ARMC8: variants seen among roughly 807,000 people sequenced by gnomAD.
ARMC8 encodes the protein armadillo repeat-containing protein 8.
Under a neutral mutation model 99.3 loss-of-function variants are expected in ARMC8, and 20 were observed. The observed-to-expected ratio is 0.20, with a 90% CI of 0.14 to 0.29. The LOEUF (loss-of-function observed/expected upper bound fraction) is 0.29, where lower values mean the gene tolerates loss of function less well. Ranked by LOEUF, ARMC8 falls within the 10% of genes least tolerant of loss-of-function variation. The probability of loss-of-function intolerance (pLI) is 1.00; values close to 1 mark genes in which losing one functional copy is unlikely to be tolerated. For synonymous variants in ARMC8, 263 were observed against 278.3 expected (o/e 0.95, Z 0.55); for missense variants, 569 against 809.5 (o/e 0.70, Z 3.60).
rs1265168499 is a variant in ARMC8, at chr3:138,195,683, G to A, written c.45+8084G>A. 3.3e-5 allele frequency among the ~76,000 whole-genome samples: 5 copies of A among 151,852 alleles called. No homozygotes were observed. The East Asian group carries it at 7.7e-4, about 23-fold the overall frequency. On this transcript the variant is annotated intron_variant, in intron 1 of 21. Transcript: ENST00000469044. ...CCTGTTGGCTTCTGGGTAAAGAGAC[G>A]GTATTACATGAAAAAAAACAAAGCT...
rs201583111 is a variant in ARMC8, at chr3:138,296,551, GAA to G, written c.*667_*668del. The G allele has an allele frequency of 6.7e-6, 1 of 149,706 alleles. No individual in the cohort carries two copies. 9.3% of individuals were successfully genotyped at this position (149,706 alleles called of 1,614,324 possible). ...TAGATTTTCTTTATATAAAAAAAAA[GAA>G]AAAAAAAGAAAAAGTTGGCTATAGT... On this transcript the variant is annotated 3_prime_UTR_variant, in exon 22 of 22. Coordinates refer to ENST00000469044, the MANE Select transcript of ARMC8 (RefSeq NM_001363941.2).
chr3:138,227,684 T>C (rs1459662896), intron 5 of ARMC8, among the ~76,000 whole-genome samples: 1 of 152,218 alleles, frequency 6.6e-6, no homozygotes, highest in East Asian at 1.9e-4. Context: ...GGGTGTTCTT[T>C]TAAGTTTTTT....
intron 12 of ARMC8, among the ~76,000 whole-genome samples, chr3:138,257,031 AGACCTCAGAT>A (rs2047443085): frequency 6.6e-6 from 1 of 152,244 alleles, no homozygotes; most frequent in Non-Finnish European, 1.5e-5. Flanking sequence ...TGAACTTCAG[AGACCTCAGAT>A]AAGACTATTT....
chr3:138,191,890 T>C (rs947667458), intron 1 of ARMC8, among the ~76,000 whole-genome samples: 6 of 152,248 alleles, frequency 3.9e-5, no homozygotes, highest in African/African-American at 1.4e-4. Context: ...CACAGCTCGT[T>C]TAACCATTTA....
intron 18 of ARMC8, among the ~76,000 whole-genome samples, chr3:138,277,581 A>G (rs550452668): frequency 6.6e-6 from 1 of 152,374 alleles, no homozygotes; most frequent in African/African-American, 2.4e-5. Context: ...TGAAAAAACA[A>G]TATGAACAGA....
At chr3:138,240,347 G>A (rs189760480) in intron 10 of ARMC8, among the ~76,000 whole-genome samples, 1 of 152,274 alleles carries the variant, frequency 6.6e-6, no homozygotes, top group East Asian at 1.9e-4. Context: ...ATTTGCTTTA[G>A]TCTTTGGGGA....
At chr3:138,245,522 C>T in intron 12 of ARMC8, 2 of 1,175,958 alleles carry the variant, frequency 1.7e-6, no homozygotes, top group Non-Finnish European at 2.1e-6. Flanking sequence ...AAAGTCCTAA[C>T]ATTAGAATTG....
At chr3:138,279,173 A>C (rs553590081) in intron 18 of ARMC8, among the ~76,000 whole-genome samples, 75 of 152,288 alleles carry the variant, frequency 4.9e-4, no homozygotes, top group Non-Finnish European at 9.3e-4. Context: ...TTATTAAAGA[A>C]AGGAAAAGAA....
At chr3:138,277,100 C>T (rs80265935) in intron 18 of ARMC8, among the ~76,000 whole-genome samples, 7,492 of 152,182 alleles carry the variant, frequency 0.049, 609 homozygotes, top group African/African-American at 0.17. Flanking sequence ...ATGGAACAGA[C>T]TAGAGAGTCC....
intron 9 of ARMC8, chr3:138,239,267 T>C (rs745642198): frequency 1.4e-4 from 67 of 480,140 alleles, no homozygotes; most frequent in Non-Finnish European, 7.0e-5. Flanking sequence ...ATATCTGGCT[T>C]ACCATCTGTA....
At chr3:138,238,819 A>G (rs2046463671) in intron 9 of ARMC8, 2 of 152,360 alleles carry the variant, frequency 1.3e-5, no homozygotes, top group African/African-American at 2.4e-5. Context: ...AATGTAATCA[A>G]AAAGGAAATT....
At chr3:138,278,013 G>C (rs1162826064) in intron 18 of ARMC8, among the ~76,000 whole-genome samples, 1 of 152,154 alleles carries the variant, frequency 6.6e-6, no homozygotes, top group Non-Finnish European at 1.5e-5. Context: ...CAAAAGGCAA[G>C]ATACTATATG....
chr3:138,266,782 A>G (rs2048325213), intron 14 of ARMC8, among the ~76,000 whole-genome samples: 1 of 152,160 alleles, frequency 6.6e-6, no homozygotes, highest in African/African-American at 2.4e-5. Flanking sequence ...GTCAGGCTGT[A>G]GGACCATTCT....
intron 18 of ARMC8, among the ~76,000 whole-genome samples, chr3:138,280,293 C>T (rs2049756234): frequency 6.7e-6 from 1 of 148,202 alleles, no homozygotes; most frequent in African/African-American, 2.5e-5. Flanking sequence ...TTTTTGGTTT[C>T]ATTGATTTTC....
At chr3:138,223,866 G>C in intron 5 of ARMC8, 133 bp downstream of exon 5, 1 of 694,704 alleles carries the variant, frequency 1.4e-6, no homozygotes, top group South Asian at 1.7e-5. Flanking sequence ...GCTCACACCA[G>C]TAATCCCAGT....
At chr3:138,209,968 T>A in intron 2 of ARMC8, 75 bp downstream of exon 2, 1 of 1,170,304 alleles carries the variant, frequency 8.5e-7, no homozygotes, top group Non-Finnish European at 1.3e-6. Context: ...TATTTTAATT[T>A]TGAAAATACA....
chr3:138,282,613 G>T (rs571163478), intron 18 of ARMC8, among the ~76,000 whole-genome samples: 3 of 146,954 alleles, frequency 2.0e-5, no homozygotes, highest in Non-Finnish European at 4.5e-5. Context: ...CTCTAGCCTG[G>T]TGACAGAGTG....
chr3:138,212,105 A>G (rs899071852), intron 2 of ARMC8, among the ~76,000 whole-genome samples: 23 of 152,110 alleles, frequency 1.5e-4, no homozygotes, highest in African/African-American at 5.3e-4. Context: ...AGATCACCCA[A>G]CATTTTTTTT....
chr3:138,221,785 C>G (rs1308172899), intron 2 of ARMC8, 141 bp from the exon 3 acceptor site: 1 of 623,544 alleles, frequency 1.6e-6, no homozygotes, highest in South Asian at 1.9e-5. Context: ...TATCTCTATC[C>G]CTTCATTAGT....
Sources: allele counts gnomAD v4.1 joint callset (sites outside exome capture counted in the v4.1 genomes callset), GRCh38; gene constraint gnomAD v4.1.1; transcripts MANE v1.5; gene names NCBI Gene and HGNC (gene_info 2026-07-23, HGNC 2026-07-21).